Variants in MAP3K15 observed in about 807,000 individuals in gnomAD.
MAP3K15 encodes mitogen-activated protein kinase kinase kinase 15.
A neutral mutation model predicts 99.5 loss-of-function variants in MAP3K15; 124 were observed. The ratio of observed to expected loss-of-function variants is 1.25; its 90% CI spans 1.08 to 1.45. MAP3K15 has a LOEUF of 1.45. MAP3K15 is among the 40% of genes most tolerant of loss of function. MAP3K15 has a pLI of 0.00. For missense variants in MAP3K15, 1,242 were observed against 1,079.7 expected (o/e 1.15, Z -2.11); for synonymous variants, 494 against 439.6 (o/e 1.12, Z -1.55).
chrX:19,396,901 C>CT (rs34707372), intron 15 of MAP3K15, among the ~76,000 whole-genome samples: 263 of 99,650 alleles, frequency 2.6e-3, no homozygotes, highest in Middle Eastern at 5.0e-3. Flanking sequence ...TAAATTTAAA[C>CT]TTTTTTTTTT....
chrX:19,466,486 C>T (rs191795611), intron 3 of MAP3K15, among the ~76,000 whole-genome samples: 1 of 111,541 alleles, frequency 9.0e-6, no homozygotes, highest in Admixed American at 9.6e-5. Context: ...AGGCACTTCT[C>T]CTTCCTGCCG....
chrX:19,374,244 T>A (rs750368434), intron 20 of MAP3K15, among the ~76,000 whole-genome samples: 3 of 111,496 alleles, frequency 2.7e-5, no homozygotes, highest in Admixed American at 1.9e-4. Flanking sequence ...GGCAGCCCAG[T>A]CACCCAGAGA....
intron 18 of MAP3K15, among the ~76,000 whole-genome samples, chrX:19,382,244 CAAAAAAAA>C (rs1047109372): frequency 0.029 from 918 of 31,586 alleles, 21 homozygotes; most frequent in African/African-American, 0.095. Flanking sequence ...ACTCAGTCTC[CAAAAAAAA>C]AAAAAAAAAA....
rs138796168 is a variant in MAP3K15 at position 19,419,802 on chromosome X, T to C, written c.1440-4545A>G. Among the ~76,000 whole-genome samples the C allele has an allele frequency of 5.7e-3, 638 of 111,798 alleles. 3 individuals are homozygous for C. The highest frequency in any genetic ancestry group is 0.019 in the African/African-American group (586 of 30,788). On this transcript the variant is annotated intron_variant, in intron 9 of 28. Coordinates refer to ENST00000338883, the MANE Select transcript of MAP3K15 (RefSeq NM_001001671.4). ...ACATAGTTGGAAGTAAAGCACTCCT[T>C]AGCAAATGTGAAAGAACAGAAATTA...
At chrX:19,423,846 T>C (rs2063807235) in intron 9 of MAP3K15, among the ~76,000 whole-genome samples, 1 of 111,623 alleles carries the variant, frequency 9.0e-6, no homozygotes, top group Non-Finnish European at 1.9e-5. Context: ...GTTCGACCTC[T>C]AGAGAGGTTG....
At chrX:19,411,562 G>A (rs1569214712) in intron 11 of MAP3K15, among the ~76,000 whole-genome samples, 2 of 112,055 alleles carry the variant, frequency 1.8e-5, no homozygotes, top group Admixed American at 9.5e-5. Flanking sequence ...GCGGTGAAAA[G>A]TGTTATGAAG....
intron 20 of MAP3K15, 54 bp downstream of exon 20, chrX:19,374,423 C>A: frequency 9.0e-7 from 1 of 1,111,882 alleles, no homozygotes; most frequent in South Asian, 2.0e-5. Context: ...AGAAGCCCAG[C>A]GCCCAGCATT....
intron 18 of MAP3K15, among the ~76,000 whole-genome samples, chrX:19,382,167 C>A (rs1304116324): frequency 2.8e-5 from 3 of 106,775 alleles, no homozygotes; most frequent in Non-Finnish European, 5.8e-5. Context: ...GCAGGAGAAT[C>A]CCTTGAACCT....
At chrX:19,379,314 T>C (rs904568114) in intron 19 of MAP3K15, among the ~76,000 whole-genome samples, 1 of 109,135 alleles carries the variant, frequency 9.2e-6, no homozygotes, top group Admixed American at 9.9e-5. Context: ...TTTAAACCTG[T>C]CATCTTTTAT....
intron 6 of MAP3K15, among the ~76,000 whole-genome samples, chrX:19,455,548 C>T (rs181660042): frequency 0.058 from 3,650 of 63,309 alleles, 294 homozygotes; most frequent in African/African-American, 0.24. Flanking sequence ...TTTGTAGAGA[C>T]GGGGTTTTGC....
intron 16 of MAP3K15, among the ~76,000 whole-genome samples, chrX:19,393,064 G>A (rs144311961): frequency 1.8e-5 from 2 of 110,686 alleles, no homozygotes; most frequent in African/African-American, 3.3e-5. Context: ...CCCCAATTAC[G>A]CTATTAAACA....
Position 19,514,953 on chromosome X carries a change from G to T in MAP3K15, c.309C>A (p.Phe103Leu). The change falls in exon 1 of 29, where the codon TTC (phenylalanine) becomes TTA (leucine). Residue 103 changes from phenylalanine to leucine, a missense_variant. Transcript: ENST00000338883. The stretch of plus-strand genomic sequence containing the variant: ...CCGTCTCCCCGAAGTCCAGCTCCCC[G>T]AAGGGCACGGAGGTGAGGTGAGCGC... ...AEGAHLTSVPFGELDFGETAV... is the reference protein window; with the variant it reads ...AEGAHLTSVPLGELDFGETAV... The T allele has an allele frequency of 1.7e-6, 2 of 1,150,502 alleles. No individual in the cohort carries two copies. The highest frequency in any genetic ancestry group is 2.4e-5 in the Admixed American group (1 of 41,810). The allele number at this position is 1,150,502 out of a possible 1,213,427, so 94.8% of individuals were successfully genotyped here. A position where few individuals can be genotyped will look rare whatever the true frequency, so the allele number is the denominator to read the frequency against.
At chrX:19,394,789 C>CTTTTTTT (rs144723219) in intron 16 of MAP3K15, among the ~76,000 whole-genome samples, 1 of 17,524 alleles carries the variant, frequency 5.7e-5, no homozygotes, top group African/African-American at 1.4e-4. Flanking sequence ...GGGTCTGTTG[C>CTTTTTTT]TTTTTTTTTT....
chrX:19,482,967 A>G (rs2064300914), intron 3 of MAP3K15, among the ~76,000 whole-genome samples: 2 of 111,002 alleles, frequency 1.8e-5, no homozygotes, highest in South Asian at 7.7e-4. Flanking sequence ...AGAAATGGAG[A>G]CAAATGGCCA....
intron 1 of MAP3K15, among the ~76,000 whole-genome samples, chrX:19,503,217 G>A (rs1433630372): frequency 8.9e-6 from 1 of 111,964 alleles, no homozygotes; most frequent in African/African-American, 3.2e-5. Context: ...AGATGGCAAT[G>A]TCTAAATTAA....
rs2063300557 is a variant in MAP3K15, at chrX:19,362,621, A to C, written c.3679+117T>G. On this transcript the variant is annotated intron_variant, in intron 26 of 28. Coordinates refer to ENST00000338883, the MANE Select transcript of MAP3K15 (RefSeq NM_001001671.4). ...CAGTAGTCCCTTTTTATGATTGAGA[A>C]GTAGTCTAGAATCTACTGGAGTCCT... is the stretch of plus-strand genomic sequence containing the variant. 14 of 471,279 alleles carry C rather than the reference A, an allele frequency of 3.0e-5. No homozygotes were observed. The South Asian group carries it at 4.7e-4, about 16-fold the overall frequency. The allele number at this position is 471,279 out of a possible 1,213,427, so 38.8% of individuals were successfully genotyped here.
At chrX:19,432,690 A>C (rs1009058150) in intron 6 of MAP3K15, among the ~76,000 whole-genome samples, 1 of 110,195 alleles carries the variant, frequency 9.1e-6, no homozygotes, top group Non-Finnish European at 1.9e-5. Flanking sequence ...TGATAATGTA[A>C]TCATGACTAT....
At chrX:19,361,064 G>A (rs2063279562) in intron 28 of MAP3K15, 1 of 418,103 alleles carries the variant, frequency 2.4e-6, no homozygotes, top group Admixed American at 4.6e-5. Flanking sequence ...TTAAAGAAGG[G>A]GGTGGGTCCA....
Position 19,399,602 on chromosome X carries a change from C to T in MAP3K15, c.1932+974G>A, listed in dbSNP as rs766308424. ...TACAAAAATTAGCCAGGCGTGGTGGCGGGTGCCTGTAGTCCCAGCTACATG... is the reference window on the plus strand; with the variant it reads ...TACAAAAATTAGCCAGGCGTGGTGGTGGGTGCCTGTAGTCCCAGCTACATG... On this transcript the variant is annotated intron_variant, in intron 14 of 28. Coordinates refer to ENST00000338883, the MANE Select transcript of MAP3K15 (RefSeq NM_001001671.4). 8.3e-5 allele frequency among the ~76,000 whole-genome samples: 9 copies of T among 108,629 alleles called. No homozygotes were observed. The East Asian group carries it at 8.7e-4, about 10-fold the overall frequency. 94.3% of individuals were successfully genotyped at this position (108,629 alleles called of 115,157 possible). A position where few individuals can be genotyped will look rare whatever the true frequency, so the allele number is the denominator to read the frequency against.
Sources: allele counts gnomAD v4.1 joint callset (sites outside exome capture counted in the v4.1 genomes callset), GRCh38; gene constraint gnomAD v4.1.1; transcripts MANE v1.5; gene names NCBI Gene and HGNC (gene_info 2026-07-23, HGNC 2026-07-21).